LRMDA: variants seen among roughly 807,000 people sequenced by gnomAD.
The protein encoded by LRMDA is leucine rich melanocyte differentiation associated, also known as leucine-rich melanocyte differentiation-associated protein.
A neutral mutation model predicts 29.8 loss-of-function variants in LRMDA; 18 were observed. The ratio of observed to expected loss-of-function variants is 0.60; its 90% CI spans 0.42 to 0.90. LRMDA has a LOEUF of 0.90. Ranked by LOEUF, LRMDA falls within the 40% of genes least tolerant of loss-of-function variation. The probability of loss-of-function intolerance (pLI) is 0.00; values close to 1 mark genes in which losing one functional copy is unlikely to be tolerated. For missense variants in LRMDA, 273 were observed against 273.9 expected, an observed-to-expected ratio of 1.00 and a Z score of 0.02; for synonymous variants, 125 against 109.4, an observed-to-expected ratio of 1.14 and a Z score of -0.89.
intron 5 of LRMDA, among the ~76,000 whole-genome samples, chr10:76,314,509 C>T (rs576048876): frequency 6.6e-6 from 1 of 152,292 alleles, no homozygotes; most frequent in South Asian, 2.1e-4. Context: ...CCCACAGTGG[C>T]CAATGTCAAA....
At chr10:76,254,340 C>CT (rs1564701488) in intron 5 of LRMDA, among the ~76,000 whole-genome samples, 7 of 90,138 alleles carry the variant, frequency 7.8e-5, no homozygotes, top group African/African-American at 1.3e-4. Flanking sequence ...CATACCATAC[C>CT]ATCCTATCCT....
In LRMDA at chr10:75,740,851, G is replaced by A. The variant is rs569868461; in HGVS notation, c.132-295157G>A. Reference sequence around the variant, plus strand: ...TTTGAGGGCCATTATGACACTTTGAGAGGCATAGTAAGAGTATATTGCATT... The same window carrying A: ...TTTGAGGGCCATTATGACACTTTGAAAGGCATAGTAAGAGTATATTGCATT... On this transcript the variant is annotated intron_variant, in intron 2 of 6. Coordinates refer to ENST00000611255, the MANE Select transcript of LRMDA (RefSeq NM_001305581.2). 1.7e-4 allele frequency among the ~76,000 whole-genome samples: 26 copies of A among 152,226 alleles called. No homozygotes were observed. In the South Asian group the frequency reaches 4.1e-3, roughly 24 times the overall value.
chr10:75,708,058 T>G (rs538857669), intron 2 of LRMDA, among the ~76,000 whole-genome samples: 11 of 152,322 alleles, frequency 7.2e-5, no homozygotes, highest in Non-Finnish European at 1.3e-4. Context: ...TGTTTTCACT[T>G]AAGATGAGGA....
intron 2 of LRMDA, among the ~76,000 whole-genome samples, chr10:75,998,550 C>T (rs1344003468): frequency 2.6e-5 from 4 of 152,210 alleles, no homozygotes; most frequent in African/African-American, 4.8e-5. Context: ...TTATTATGCA[C>T]CATGTACTGT....
At chr10:75,464,550 A>G (rs1844627851) in intron 2 of LRMDA, among the ~76,000 whole-genome samples, 1 of 152,220 alleles carries the variant, frequency 6.6e-6, no homozygotes, top group South Asian at 2.1e-4. Flanking sequence ...ACTCATTTGG[A>G]TAATCAGATC....
At chr10:75,548,543 G>A (rs983140728) in intron 2 of LRMDA, among the ~76,000 whole-genome samples, 1 of 151,994 alleles carries the variant, frequency 6.6e-6, no homozygotes, top group African/African-American at 2.4e-5. Flanking sequence ...AAACAATGAG[G>A]GGTAGTTCCT....
chr10:76,361,382 C>T (rs886341057), intron 6 of LRMDA, among the ~76,000 whole-genome samples: 1 of 152,048 alleles, frequency 6.6e-6, no homozygotes, highest in Non-Finnish European at 1.5e-5. Flanking sequence ...CCCAGGACTC[C>T]AGTTCTGAAT....
intron 5 of LRMDA, among the ~76,000 whole-genome samples, chr10:76,126,831 G>A (rs1302960859): frequency 6.6e-6 from 1 of 152,136 alleles, no homozygotes; most frequent in East Asian, 1.9e-4. Flanking sequence ...TCTCTGCATG[G>A]AATAAGAAAA....
chr10:75,728,523 C>T (rs1288960150), intron 2 of LRMDA, among the ~76,000 whole-genome samples: 1 of 149,140 alleles, frequency 6.7e-6, no homozygotes, highest in Non-Finnish European at 1.5e-5. Context: ...TGGTCCACAT[C>T]CTCAAGAAGG....
chr10:75,682,014 C>T (rs554722269), intron 2 of LRMDA, among the ~76,000 whole-genome samples: 2 of 152,198 alleles, frequency 1.3e-5, no homozygotes, highest in African/African-American at 2.4e-5. Flanking sequence ...TTCCTTTAGG[C>T]GGGTCTAACT....
intron 5 of LRMDA, chr10:76,318,875 A>G (rs1040324995): frequency 6.6e-6 from 1 of 152,036 alleles, no homozygotes; most frequent in African/African-American, 2.4e-5. Context: ...AATGTGGCCC[A>G]CACTTTCGTG....
chr10:76,043,320 C>A (rs2132036829), intron 3 of LRMDA, among the ~76,000 whole-genome samples: 1 of 152,260 alleles, frequency 6.6e-6, no homozygotes, highest in East Asian at 1.9e-4. Flanking sequence ...GAAGCCATTC[C>A]TACTGATACT....
intron 2 of LRMDA, among the ~76,000 whole-genome samples, chr10:75,909,199 A>AAAATGTGTTTAAGGGAGGAG (rs1376660903): frequency 6.6e-6 from 1 of 152,238 alleles, no homozygotes; most frequent in African/African-American, 2.4e-5. Context: ...TAAGTGCTGT[A>AAAATGTGTTTAAGGGAGGAG]AAATGTGTTT....
At chr10:75,565,384 G>T (rs1840357248) in intron 2 of LRMDA, among the ~76,000 whole-genome samples, 1 of 152,100 alleles carries the variant, frequency 6.6e-6, no homozygotes, top group African/African-American at 2.4e-5. Context: ...TTCATGGAGG[G>T]TGCCTACCTG....
intron 6 of LRMDA, among the ~76,000 whole-genome samples, chr10:76,545,117 C>T (rs958671266): frequency 6.6e-6 from 1 of 151,976 alleles, no homozygotes; most frequent in Admixed American, 6.6e-5. Context: ...TTATGACAAA[C>T]CCAGTTGTTA....
At position 76,400,805 on chromosome 10, in the gene LRMDA, C is replaced by A. The variant is rs371724593; in HGVS notation, c.601+76320C>A. 4.3e-4 allele frequency among the ~76,000 whole-genome samples: 66 copies of A among 152,286 alleles called. 1 individual carries two copies. In the South Asian group the frequency reaches 4.4e-3, roughly 10 times the overall value. On this transcript the variant is annotated intron_variant, in intron 6 of 6. Coordinates refer to ENST00000611255, the MANE Select transcript of LRMDA (RefSeq NM_001305581.2). ...TCGTTCTATACCTCAGGTTCCTATTCATTTTCTACCTCATAGGGGACTGGT... is the reference window on the plus strand; with the variant it reads ...TCGTTCTATACCTCAGGTTCCTATTAATTTTCTACCTCATAGGGGACTGGT...
intron 5 of LRMDA, among the ~76,000 whole-genome samples, chr10:76,065,897 C>T (rs1442605725): frequency 1.3e-5 from 2 of 152,208 alleles, no homozygotes; most frequent in East Asian, 3.9e-4. Context: ...TGTTTTCACT[C>T]ACTGCTCGCA....
chr10:75,704,891 A>G (rs73282611), intron 2 of LRMDA, among the ~76,000 whole-genome samples: 5,758 of 152,194 alleles, frequency 0.038, 286 homozygotes, highest in African/African-American at 0.11. Context: ...GAGAGAGGAG[A>G]GGGAAAGGGT....
chr10:76,515,673 T>G (rs1208534236), intron 6 of LRMDA, among the ~76,000 whole-genome samples: 1 of 152,032 alleles, frequency 6.6e-6, no homozygotes. Flanking sequence ...ACCCAGCAAA[T>G]TTTTGTATTT....
Sources: allele counts gnomAD v4.1 joint callset (sites outside exome capture counted in the v4.1 genomes callset), GRCh38; gene constraint gnomAD v4.1.1; transcripts MANE v1.5; gene names NCBI Gene and HGNC (gene_info 2026-07-23, HGNC 2026-07-21).